The following SACM1L variants were observed in gnomAD, a reference collection of about 807,000 sequenced individuals.
The protein encoded by SACM1L is phosphatidylinositol-3-phosphatase SAC1.
A neutral mutation model predicts 89.5 loss-of-function variants in SACM1L; 32 were observed. The ratio of observed to expected loss-of-function variants is 0.36; its 90% CI spans 0.27 to 0.48. The LOEUF is 0.48. Ranked by LOEUF, SACM1L falls within the 20% of genes least tolerant of loss-of-function variation. The probability of loss-of-function intolerance (pLI) is 0.99; values close to 1 mark genes in which losing one functional copy is unlikely to be tolerated. For synonymous variants in SACM1L, 213 were observed against 232.8 expected, an observed-to-expected ratio of 0.92 and a Z score of 0.77; for missense variants, 543 against 708.5, an observed-to-expected ratio of 0.77 and a Z score of 2.65.
intron 1 of SACM1L, among the ~76,000 whole-genome samples, chr3:45,691,518 A>G (rs1041805409): frequency 6.6e-6 from 1 of 152,208 alleles, no homozygotes; most frequent in African/African-American, 2.4e-5. Context: ...GTTTTAAGAA[A>G]TATCCATGCA....
chr3:45,720,596 T>C (rs2125696196), intron 8 of SACM1L, among the ~76,000 whole-genome samples: 1 of 152,278 alleles, frequency 6.6e-6, no homozygotes, highest in Non-Finnish European at 1.5e-5. Context: ...TTCCTTCATA[T>C]CTTTTGCAAA....
chr3:45,700,926 C>T (rs571072736), intron 1 of SACM1L, among the ~76,000 whole-genome samples: 46 of 152,340 alleles, frequency 3.0e-4, no homozygotes, highest in African/African-American at 1.1e-3. Flanking sequence ...CCTGCCTGGG[C>T]CTCCCAAAGT....
At chr3:45,705,250 G>A (rs776862559) in intron 3 of SACM1L, 41 bp downstream of exon 3, 10 of 1,231,108 alleles carry the variant, frequency 8.1e-6, no homozygotes, top group East Asian at 2.3e-5. Context: ...AAGGTAATTA[G>A]CAAGGTAGTT....
intron 18 of SACM1L, 100 bp from the exon 19 acceptor site, chr3:45,739,487 G>T: frequency 1.0e-6 from 1 of 1,002,184 alleles, no homozygotes. Flanking sequence ...TTAGCTGACA[G>T]ATGAGTTTTA....
intron 11 of SACM1L, among the ~76,000 whole-genome samples, chr3:45,728,705 C>T (rs1404000594): frequency 6.6e-6 from 1 of 152,152 alleles, no homozygotes; most frequent in Non-Finnish European, 1.5e-5. Context: ...AAAGGTCTTA[C>T]TCTGTTGCCC....
intron 19 of SACM1L, chr3:45,739,897 T>A: frequency 1.9e-6 from 1 of 521,462 alleles, no homozygotes; most frequent in Non-Finnish European, 3.4e-6. Flanking sequence ...AATGAGTGTC[T>A]GAGACAGGTC....
chr3:45,714,750 A>G (rs1698610207), intron 7 of SACM1L, among the ~76,000 whole-genome samples: 1 of 152,238 alleles, frequency 6.6e-6, no homozygotes, highest in Non-Finnish European at 1.5e-5. Flanking sequence ...AGTAATGATT[A>G]TCTAATTGTA....
At chr3:45,735,139 A>G in intron 13 of SACM1L, 96 bp from the exon 14 acceptor site, 1 of 1,170,934 alleles carries the variant, frequency 8.5e-7, no homozygotes, top group Non-Finnish European at 1.2e-6. Flanking sequence ...ACAGTTTTTA[A>G]TAATGTCACT....
intron 1 of SACM1L, among the ~76,000 whole-genome samples, chr3:45,696,554 T>C (rs1698132436): frequency 6.6e-6 from 1 of 152,216 alleles, no homozygotes; most frequent in African/African-American, 2.4e-5. Flanking sequence ...TGTTTTCCCA[T>C]AGTGGCTGCA....
chr3:45,691,742 G>A (rs1697997091), intron 1 of SACM1L, among the ~76,000 whole-genome samples: 1 of 152,010 alleles, frequency 6.6e-6, no homozygotes, highest in African/African-American at 2.4e-5. Flanking sequence ...AGCCTCTCGA[G>A]GAGCTAGGAC....
chr3:45,717,562 A>G (rs1487893036), intron 7 of SACM1L, among the ~76,000 whole-genome samples: 1 of 152,248 alleles, frequency 6.6e-6, no homozygotes, highest in Non-Finnish European at 1.5e-5. Flanking sequence ...AGGTTCACAA[A>G]TATTTATTTT....
rs1699365189 is a variant in SACM1L, at chr3:45,743,646, G to A, written c.1741G>A (p.Val581Ile). 6.2e-7 allele frequency: 1 copy of A among 1,612,108 alleles called. No homozygotes were observed. Among genetic ancestry groups the A allele is most frequent in the South Asian group, 1.1e-5 (1 of 90,490 alleles). Residue 581 changes from valine to isoleucine, a missense_variant, in exon 20 of 20, where the codon GTC (valine) becomes ATC (isoleucine). Coordinates refer to ENST00000389061, the MANE Select transcript of SACM1L (RefSeq NM_014016.5). ...AGATTTTGTCGATGCTCCCAGACTG[G>A]TCCAGAAAGAAAAGATAGACTGAAT... ...GKDFVDAPRL[V>I]QKEKID
chr3:45,690,911 C>T (rs1697970266), intron 1 of SACM1L, among the ~76,000 whole-genome samples: 1 of 142,664 alleles, frequency 7.0e-6, no homozygotes, highest in Admixed American at 7.0e-5. Context: ...TGTGATCCTA[C>T]ACCAGGTCTC....
chr3:45,706,719 C>T (rs764571977), intron 3 of SACM1L, 61 bp from the exon 4 acceptor site: 1 of 1,405,806 alleles, frequency 7.1e-7, no homozygotes, highest in Non-Finnish European at 9.8e-7. Context: ...ATAAGGACTC[C>T]TATTTCTACC....
chr3:45,727,862 TG>T (rs1403601038), intron 11 of SACM1L, among the ~76,000 whole-genome samples: 1 of 152,232 alleles, frequency 6.6e-6, no homozygotes, highest in African/African-American at 2.4e-5. Flanking sequence ...TCCAAAGTGC[TG>T]GGATTACAGG....
chr3:45,729,971 T>A (rs1699008375), intron 11 of SACM1L, among the ~76,000 whole-genome samples: 1 of 152,158 alleles, frequency 6.6e-6, no homozygotes, highest in African/African-American at 2.4e-5. Flanking sequence ...CTTCTTATAA[T>A]AATTTTTCTA....
chr3:45,729,168 C>G (rs975637874), intron 11 of SACM1L, among the ~76,000 whole-genome samples: 23 of 152,076 alleles, frequency 1.5e-4, no homozygotes. Context: ...CTCACTGCAA[C>G]CTCTGCCTCC....
intron 11 of SACM1L, among the ~76,000 whole-genome samples, chr3:45,725,989 T>G (rs1698909321): frequency 6.6e-6 from 1 of 152,136 alleles, no homozygotes; most frequent in African/African-American, 2.4e-5. Context: ...TCTACTAATG[T>G]GGTATGTTAT....
At chr3:45,722,834 T>G in intron 9 of SACM1L, 35 bp from the exon 10 acceptor site, 1 of 1,476,784 alleles carries the variant, frequency 6.8e-7, no homozygotes, top group Non-Finnish European at 9.5e-7. Flanking sequence ...CAAGTATGTT[T>G]GTGTTTCTTT....
Sources: gnomAD v4.1 joint callset for allele counts (sites outside exome capture counted in the v4.1 genomes callset) on GRCh38, gnomAD v4.1.1 for gene constraint, MANE v1.5 for transcripts, NCBI Gene and HGNC (gene_info 2026-07-23, HGNC 2026-07-21) for gene names.